The following ZCCHC7 variants were observed in gnomAD, a reference collection of about 807,000 sequenced individuals.
ZCCHC7 encodes the protein zinc finger CCHC domain-containing protein 7.
In ZCCHC7, 35 loss-of-function variants were observed where a neutral mutation model predicts 52.0. The observed-to-expected ratio is 0.67, with a 90% CI of 0.51 to 0.89. The LOEUF is 0.89. Among genes scored for constraint, ZCCHC7 ranks in the 40% least tolerant of loss-of-function variants. The pLI is 0.00. For missense variants in ZCCHC7, 574 were observed against 649.1 expected (o/e 0.88, Z 1.26); for synonymous variants, 217 against 221.5 (o/e 0.98, Z 0.18).
At chr9:37,337,589 T>G (rs1023176691) in intron 6 of ZCCHC7, among the ~76,000 whole-genome samples, 1 of 152,124 alleles carries the variant, frequency 6.6e-6, no homozygotes, top group African/African-American at 2.4e-5. Flanking sequence ...GAAGCTGGCA[T>G]GAAAATTGAA....
chr9:37,138,397 A>G (rs1010944899), intron 2 of ZCCHC7, among the ~76,000 whole-genome samples: 1 of 152,158 alleles, frequency 6.6e-6, no homozygotes, highest in African/African-American at 2.4e-5. Context: ...ATTGTATATC[A>G]CTAATTTCTG....
At chr9:37,201,479 T>C (rs1823626321) in intron 2 of ZCCHC7, among the ~76,000 whole-genome samples, 1 of 152,204 alleles carries the variant, frequency 6.6e-6, no homozygotes, top group Admixed American at 6.5e-5. Flanking sequence ...AACAAAAATA[T>C]TAGAGCTTTA....
At chr9:37,191,331 C>T (rs1487022321) in intron 2 of ZCCHC7, among the ~76,000 whole-genome samples, 2 of 152,154 alleles carry the variant, frequency 1.3e-5, no homozygotes, top group African/African-American at 4.8e-5. Context: ...TTAGGTTTCT[C>T]TTCTTTTTAA....
At chr9:37,318,765 T>C (rs983891273) in intron 5 of ZCCHC7, among the ~76,000 whole-genome samples, 1 of 151,600 alleles carries the variant, frequency 6.6e-6, no homozygotes, top group Non-Finnish European at 1.5e-5. Context: ...ATACAAAAAT[T>C]AGCCAGGCGT....
rs576588192 is a variant in ZCCHC7 at position 37,321,119 on chromosome 9, G to T, written c.952-6680G>T. 2.6e-5 allele frequency among the ~76,000 whole-genome samples: 4 copies of T among 151,184 alleles called. No homozygotes were observed. In the South Asian group the frequency reaches 8.4e-4, roughly 32 times the overall value. On this transcript the variant is annotated intron_variant, in intron 5 of 8. Coordinates refer to ENST00000336755, the MANE Select transcript of ZCCHC7 (RefSeq NM_032226.3). ...TTCTCCTGCCTCAGCCTCCCAAGTA[G>T]CTGGGACTACAGGCGCGTGCCACCA...
intron 2 of ZCCHC7, among the ~76,000 whole-genome samples, chr9:37,259,817 T>A (rs1346931251): frequency 1.3e-5 from 2 of 152,314 alleles, no homozygotes; most frequent in African/African-American, 4.8e-5. Flanking sequence ...AATGTCTGTT[T>A]GTGCATCCTA....
chr9:37,289,359 C>A (rs1828418161), intron 2 of ZCCHC7, among the ~76,000 whole-genome samples: 1 of 152,026 alleles, frequency 6.6e-6, no homozygotes, highest in African/African-American at 2.4e-5. Flanking sequence ...CCATGTTGGC[C>A]CGGCTGGTCT....
At chr9:37,146,718 G>GTC (rs1355585553) in intron 2 of ZCCHC7, among the ~76,000 whole-genome samples, 2 of 140,370 alleles carry the variant, frequency 1.4e-5, no homozygotes, top group Non-Finnish European at 3.3e-5. Flanking sequence ...TAAGAGAGAA[G>GTC]TCTTTAATGT....
chr9:37,347,036 A>G (rs532598729), intron 6 of ZCCHC7, among the ~76,000 whole-genome samples: 121 of 152,274 alleles, frequency 7.9e-4, no homozygotes, highest in Non-Finnish European at 1.5e-5. Context: ...TTTGTTAAAG[A>G]CTTTCAATAA....
intron 2 of ZCCHC7, among the ~76,000 whole-genome samples, chr9:37,146,825 T>C (rs1444972459): frequency 6.6e-6 from 1 of 151,882 alleles, no homozygotes; most frequent in Non-Finnish European, 1.5e-5. Context: ...AAATAGATGT[T>C]AAGTTGAAAA....
At chr9:37,254,912 A>G (rs1279831805) in intron 2 of ZCCHC7, among the ~76,000 whole-genome samples, 2 of 132,610 alleles carry the variant, frequency 1.5e-5, no homozygotes, top group African/African-American at 5.7e-5. Context: ...TATGGTATGC[A>G]TGTAAATTGA....
chr9:37,247,230 C>G (rs1826119084), intron 2 of ZCCHC7, among the ~76,000 whole-genome samples: 1 of 152,126 alleles, frequency 6.6e-6, no homozygotes, highest in Non-Finnish European at 1.5e-5. Flanking sequence ...CACTTCACAG[C>G]TTTGTGAAGG....
intron 2 of ZCCHC7, among the ~76,000 whole-genome samples, chr9:37,298,160 T>G (rs527901430): frequency 2.2e-4 from 33 of 152,332 alleles, no homozygotes; most frequent in African/African-American, 7.5e-4. Flanking sequence ...TGGATCACCA[T>G]GCACATATAA....
chr9:37,266,209 C>T (rs1018581133), intron 2 of ZCCHC7, among the ~76,000 whole-genome samples: 1 of 152,156 alleles, frequency 6.6e-6, no homozygotes, highest in Admixed American at 6.5e-5. Context: ...AATGCAAATG[C>T]TTAATATGTA....
chr9:37,186,252 T>G (rs772299596), intron 2 of ZCCHC7, among the ~76,000 whole-genome samples: 2 of 152,194 alleles, frequency 1.3e-5, no homozygotes, highest in Non-Finnish European at 2.9e-5. Flanking sequence ...CATTTGTGGA[T>G]AGCATGTAAA....
intron 2 of ZCCHC7, among the ~76,000 whole-genome samples, chr9:37,233,691 G>A (rs1237600578): frequency 1.3e-5 from 2 of 152,218 alleles, no homozygotes; most frequent in African/African-American, 4.8e-5. Context: ...TTGCAGTGGA[G>A]CCACAGAATT....
At position 37,354,671 on chromosome 9, in the gene ZCCHC7, G is replaced by T. The variant is rs1821586885; in HGVS notation, c.1084-39G>T. On this transcript the variant is annotated intron_variant, in intron 7 of 8. Transcript: ENST00000336755. The surrounding 1 kb of genome is among the most constrained non-coding windows in gnomAD (Gnocchi z 4.0). ...TCTTGCAAAAAGGTTTTTGAACAGTGTGACCATGTGACATCATAATTTTAC... is the reference window on the plus strand; with the variant it reads ...TCTTGCAAAAAGGTTTTTGAACAGTTTGACCATGTGACATCATAATTTTAC... The T allele has an allele frequency of 6.8e-7, 1 of 1,467,382 alleles. No individual in the cohort carries two copies. The highest frequency in any genetic ancestry group is 1.4e-5 in the African/African-American group (1 of 71,244). 90.9% of individuals were successfully genotyped at this position (1,467,382 alleles called of 1,614,324 possible).
At chr9:37,257,786 G>A (rs902397736) in intron 2 of ZCCHC7, among the ~76,000 whole-genome samples, 2 of 152,044 alleles carry the variant, frequency 1.3e-5, no homozygotes, top group South Asian at 2.1e-4. Flanking sequence ...TCGCCTGCTC[G>A]CCCTTTGCCT....
At chr9:37,281,574 A>T (rs1416004480) in intron 2 of ZCCHC7, among the ~76,000 whole-genome samples, 1 of 151,242 alleles carries the variant, frequency 6.6e-6, no homozygotes, top group African/African-American at 2.5e-5. Flanking sequence ...TCAAGTCTCT[A>T]TAAATACATA....
Sources: allele counts gnomAD v4.1 joint callset (sites outside exome capture counted in the v4.1 genomes callset), GRCh38; gene constraint gnomAD v4.1.1; non-coding constraint Gnocchi (gnomAD v3.1); transcripts MANE v1.5; gene names NCBI Gene and HGNC (gene_info 2026-07-23, HGNC 2026-07-21).